The following RSPO2 variants were observed in gnomAD, a reference collection of about 807,000 sequenced individuals.
The protein encoded by RSPO2 is R-spondin-2.
Under a neutral mutation model 30.9 loss-of-function variants are expected in RSPO2, and 14 were observed. The ratio of observed to expected loss-of-function variants is 0.45; its 90% CI spans 0.30 to 0.71. The LOEUF is 0.71. Ranked by LOEUF, RSPO2 falls within the 30% of genes least tolerant of loss-of-function variation. RSPO2 has a pLI of 0.08. For missense variants in RSPO2, 264 were observed against 301.9 expected (o/e 0.87, Z 0.93); for synonymous variants, 107 against 96.4 (o/e 1.11, Z -0.64).
intron 2 of RSPO2, among the ~76,000 whole-genome samples, chr8:108,033,990 G>A (rs1278631328): frequency 6.6e-6 from 1 of 152,154 alleles, no homozygotes; most frequent in Non-Finnish European, 1.5e-5. Flanking sequence ...TTTAGAACAT[G>A]AAATCATGGC....
rs1460074650 is a variant in RSPO2 at position 107,906,871 on chromosome 8, A to G, written c.617-5681T>C. 2.6e-5 allele frequency among the ~76,000 whole-genome samples: 4 copies of G among 152,028 alleles called. No homozygotes were observed. In the South Asian group the frequency reaches 8.3e-4, roughly 32 times the overall value. The stretch of plus-strand genomic sequence containing the variant: ...ATATGGTTAATCAAGCTAATAATCA[A>G]GCGAATTAACACATCCATCACCTAA... On this transcript the variant is annotated intron_variant, in intron 5 of 5. Transcript: ENST00000276659.
At chr8:107,993,403 C>T (rs1312600887) in intron 2 of RSPO2, among the ~76,000 whole-genome samples, 6 of 152,074 alleles carry the variant, frequency 3.9e-5, no homozygotes, top group Admixed American at 2.6e-4. Context: ...AAGGATAATA[C>T]AGATACACAT....
chr8:108,079,482 T>C (rs1255642256), intron 2 of RSPO2, among the ~76,000 whole-genome samples: 1 of 152,142 alleles, frequency 6.6e-6, no homozygotes, highest in Non-Finnish European at 1.5e-5. Context: ...TATTTTGAAA[T>C]AAAATATACC....
intron 3 of RSPO2, chr8:107,983,604 C>T (rs4035008): frequency 5.6e-5 from 90 of 1,595,276 alleles, no homozygotes; most frequent in Middle Eastern, 2.1e-4. Flanking sequence ...CCCCAAAAGA[C>T]GATAAAACAA....
intron 5 of RSPO2, among the ~76,000 whole-genome samples, chr8:107,945,153 A>G (rs959895004): frequency 1.3e-5 from 2 of 151,646 alleles, no homozygotes; most frequent in Admixed American, 6.6e-5. Context: ...GTAAACCTCA[A>G]ATTCTTCTGG....
At chr8:108,049,105 G>A (rs991138114) in intron 2 of RSPO2, among the ~76,000 whole-genome samples, 1 of 151,912 alleles carries the variant, frequency 6.6e-6, no homozygotes, top group African/African-American at 2.4e-5. Context: ...TCGGAGGGTG[G>A]GGAACTGGGG....
chr8:107,900,357 A>T lies in RSPO2; in HGVS notation c.*718T>A, dbSNP rs2130232083. 1 of 152,500 alleles carries T rather than the reference A, an allele frequency of 6.6e-6. No homozygotes were observed. The highest frequency in any genetic ancestry group is 2.4e-5 in the African/African-American group (1 of 41,594). The allele number at this position is 152,500 out of a possible 1,614,324, so 9.4% of individuals were successfully genotyped here. ...AATGAGGGGAAAAAAAAAAAGTTTC[A>T]AGAGGCAACAAAACAAGTGTCAATT... On this transcript the variant is annotated 3_prime_UTR_variant, in exon 6 of 6. Coordinates refer to ENST00000276659, the MANE Select transcript of RSPO2 (RefSeq NM_178565.5).
chr8:107,932,694 T>C (rs1052137962), intron 5 of RSPO2, among the ~76,000 whole-genome samples: 1 of 152,086 alleles, frequency 6.6e-6, no homozygotes, highest in African/African-American at 2.4e-5. Context: ...GATATACAGA[T>C]GGGCAGAAAG....
chr8:107,923,423 G>A lies in RSPO2; in HGVS notation c.617-22233C>T, dbSNP rs80081056. On this transcript the variant is annotated intron_variant, in intron 5 of 5. Coordinates refer to ENST00000276659, the MANE Select transcript of RSPO2 (RefSeq NM_178565.5). ...ACTAAAAGGTCAAAAAATATCAGAC[G>A]CTAGTGAGGTTGTGGAGAAAAGGAA... 9.3e-3 allele frequency among the ~76,000 whole-genome samples: 1,417 copies of A among 152,244 alleles called. 16 individuals carry two copies. Among genetic ancestry groups the A allele is most frequent in the Middle Eastern group, 0.024 (7 of 294 alleles).
chr8:107,958,041 A>G, intron 5 of RSPO2, 39 bp downstream of exon 5: 1 of 1,216,078 alleles, frequency 8.2e-7, no homozygotes, highest in Non-Finnish European at 1.1e-6. Flanking sequence ...AGAATTCAGG[A>G]AGCACACAGC....
chr8:107,978,247 G>T (rs769117672), intron 3 of RSPO2, among the ~76,000 whole-genome samples: 23 of 152,014 alleles, frequency 1.5e-4, no homozygotes, highest in Non-Finnish European at 3.1e-4. Context: ...GGCCAACATG[G>T]TGAAAACCGT....
chr8:107,955,543 A>C (rs898149870), intron 5 of RSPO2, among the ~76,000 whole-genome samples: 1 of 152,178 alleles, frequency 6.6e-6, no homozygotes, highest in Non-Finnish European at 1.5e-5. Flanking sequence ...TCTACTAAAG[A>C]TATTTCCAGA....
At chr8:108,031,385 T>C (rs1811417638) in intron 2 of RSPO2, among the ~76,000 whole-genome samples, 1 of 152,240 alleles carries the variant, frequency 6.6e-6, no homozygotes, top group Admixed American at 6.5e-5. Context: ...ATGGCCTTAT[T>C]ATGCTACCAA....
chr8:108,046,174 T>C (rs1029000941), intron 2 of RSPO2, among the ~76,000 whole-genome samples: 1 of 152,180 alleles, frequency 6.6e-6, no homozygotes, highest in Non-Finnish European at 1.5e-5. Flanking sequence ...TGAGCAGCTA[T>C]AATTTAGGCC....
At chr8:107,931,711 C>G (rs1812557888) in intron 5 of RSPO2, among the ~76,000 whole-genome samples, 3 of 152,062 alleles carry the variant, frequency 2.0e-5, no homozygotes, top group African/African-American at 7.2e-5. Flanking sequence ...AAAGTGCATT[C>G]ATCTAATTTT....
At chr8:107,965,085 A>C (rs1813752991) in intron 3 of RSPO2, among the ~76,000 whole-genome samples, 2 of 152,198 alleles carry the variant, frequency 1.3e-5, no homozygotes, top group Admixed American at 1.3e-4. Flanking sequence ...TGTATGCTAC[A>C]TAATAGGTAT....
intron 5 of RSPO2, among the ~76,000 whole-genome samples, chr8:107,937,615 G>GGAA (rs1554574037): frequency 6.8e-6 from 1 of 146,096 alleles, no homozygotes; most frequent in Admixed American, 6.8e-5. Flanking sequence ...TCATTTGAAG[G>GGAA]AAAAAAAAAA....
At chr8:107,919,852 A>C (rs1812096428) in intron 5 of RSPO2, among the ~76,000 whole-genome samples, 1 of 152,166 alleles carries the variant, frequency 6.6e-6, no homozygotes, top group South Asian at 2.1e-4. Flanking sequence ...AAATTAAAGA[A>C]ATAAAAATTA....
intron 5 of RSPO2, among the ~76,000 whole-genome samples, chr8:107,914,361 T>TA (rs1811912335): frequency 6.6e-6 from 1 of 151,428 alleles, no homozygotes; most frequent in Non-Finnish European, 1.5e-5. Context: ...CAGATCCAAA[T>TA]AAGAGTTCCA....
Sources: allele counts gnomAD v4.1 joint callset (sites outside exome capture counted in the v4.1 genomes callset), GRCh38; gene constraint gnomAD v4.1.1; transcripts MANE v1.5; gene names NCBI Gene and HGNC (gene_info 2026-07-23, HGNC 2026-07-21).